Variants in ZNF385D observed in about 807,000 individuals in gnomAD.
The protein encoded by ZNF385D is zinc finger protein 385D.
Under a neutral mutation model 35.8 loss-of-function variants are expected in ZNF385D, and 15 were observed. The observed-to-expected ratio is 0.42, with a 90% CI of 0.28 to 0.64. ZNF385D has a LOEUF of 0.64. ZNF385D is among the 30% of genes least tolerant of loss of function. The probability of loss-of-function intolerance (pLI) is 0.23; values close to 1 mark genes in which losing one functional copy is unlikely to be tolerated. For missense variants in ZNF385D, 474 were observed against 494.6 expected (o/e 0.96, Z 0.39); for synonymous variants, 212 against 186.8 (o/e 1.13, Z -1.10).
At chr3:22,014,027 C>G (rs1696730880) in intron 3 of ZNF385D, among the ~76,000 whole-genome samples, 1 of 151,994 alleles carries the variant, frequency 6.6e-6, no homozygotes, top group African/African-American at 2.4e-5. Flanking sequence ...CAAGAAGCAA[C>G]CCCAAGAAAT....
At chr3:21,562,480 A>G (rs539615950) in intron 3 of ZNF385D, among the ~76,000 whole-genome samples, 12 of 152,148 alleles carry the variant, frequency 7.9e-5, no homozygotes, top group African/African-American at 2.9e-4. Flanking sequence ...AAGAGGTGAA[A>G]TTCTTGCACT....
rs566459946 is a variant in ZNF385D, at chr3:21,527,289, A to T, written c.277-16266T>A. Among the ~76,000 whole-genome samples the T allele has an allele frequency of 8.5e-5, 13 of 152,298 alleles. No individual in the cohort carries two copies. The East Asian group carries it at 1.7e-3, about 20-fold the overall frequency. On this transcript the variant is annotated intron_variant, in intron 3 of 7. Transcript: ENST00000281523. ...GTCTTCAACATTTCTTCATTTGACG[A>T]AGATTTCTTGGTTTACATCCTCATG...
At chr3:22,077,631 T>C (rs1354746344) in intron 3 of ZNF385D, among the ~76,000 whole-genome samples, 1 of 152,008 alleles carries the variant, frequency 6.6e-6, no homozygotes, top group African/African-American at 2.4e-5. Flanking sequence ...AAATATTTGA[T>C]GTTTTTGGCA....
intron 3 of ZNF385D, among the ~76,000 whole-genome samples, chr3:21,813,080 C>T (rs1480913142): frequency 6.6e-6 from 1 of 152,196 alleles, no homozygotes; most frequent in African/African-American, 2.4e-5. Flanking sequence ...CCCAGGCAAA[C>T]AGGGTCTGGA....
At chr3:21,861,448 G>C (rs1464982925) in intron 3 of ZNF385D, among the ~76,000 whole-genome samples, 1 of 152,054 alleles carries the variant, frequency 6.6e-6, no homozygotes, top group Non-Finnish European at 1.5e-5. Flanking sequence ...CCTTGAAACA[G>C]GTAAGCTCTC....
intron 1 of ZNF385D, among the ~76,000 whole-genome samples, chr3:21,743,996 A>G (rs930102238): frequency 9.2e-5 from 14 of 152,164 alleles, no homozygotes; most frequent in African/African-American, 3.1e-4. Context: ...GTTTTCAAGT[A>G]TTACTGTTAC....
chr3:21,890,236 A>T (rs1247425420), intron 3 of ZNF385D, among the ~76,000 whole-genome samples: 1 of 152,214 alleles, frequency 6.6e-6, no homozygotes, highest in East Asian at 1.9e-4. Flanking sequence ...TTTGAAGGTA[A>T]CAGATTAGTC....
intron 2 of ZNF385D, among the ~76,000 whole-genome samples, chr3:21,660,773 G>C (rs986734424): frequency 1.8e-4 from 27 of 152,304 alleles, no homozygotes; most frequent in African/African-American, 5.5e-4. Flanking sequence ...AAACCTAAGA[G>C]TCTGGGCTTT....
intron 3 of ZNF385D, among the ~76,000 whole-genome samples, chr3:21,779,609 T>C (rs1477494264): frequency 6.6e-6 from 1 of 152,034 alleles, no homozygotes. Flanking sequence ...ACTTGAGTTC[T>C]ATCTTAGAGA....
chr3:21,921,373 T>C (rs1034149329), intron 3 of ZNF385D, among the ~76,000 whole-genome samples: 11 of 152,190 alleles, frequency 7.2e-5, no homozygotes, highest in African/African-American at 2.7e-4. Flanking sequence ...AAATTGATGC[T>C]ATTCTTAGAG....
intron 3 of ZNF385D, among the ~76,000 whole-genome samples, chr3:21,894,547 G>A (rs1699035874): frequency 1.3e-5 from 2 of 152,092 alleles, no homozygotes; most frequent in African/African-American, 4.8e-5. Flanking sequence ...TTATAGCTAT[G>A]ACTTTACAAC....
intron 3 of ZNF385D, among the ~76,000 whole-genome samples, chr3:22,048,446 T>G (rs1430172497): frequency 6.6e-6 from 1 of 152,142 alleles, no homozygotes; most frequent in African/African-American, 2.4e-5. Context: ...AGGATTAAAT[T>G]TTATTATTTT....
intron 3 of ZNF385D, among the ~76,000 whole-genome samples, chr3:21,915,382 T>C (rs1700144852): frequency 6.6e-6 from 1 of 152,152 alleles, no homozygotes; most frequent in Non-Finnish European, 1.5e-5. Flanking sequence ...GTAAATAGAA[T>C]TGTAAGCATG....
intron 2 of ZNF385D, among the ~76,000 whole-genome samples, chr3:22,273,323 G>A (rs989028156): frequency 2.6e-5 from 4 of 151,958 alleles, no homozygotes; most frequent in African/African-American, 7.2e-5. Context: ...ATAATGAGCA[G>A]CAGACATTAG....
At chr3:21,788,414 G>T (rs193231935) in intron 3 of ZNF385D, among the ~76,000 whole-genome samples, 1 of 152,148 alleles carries the variant, frequency 6.6e-6, no homozygotes, top group African/African-American at 2.4e-5. Flanking sequence ...GGAGGCAGAG[G>T]TTGCAGTGAG....
chr3:22,340,648 AAATAAT>A (rs1217611594), intron 2 of ZNF385D, among the ~76,000 whole-genome samples: 1 of 152,150 alleles, frequency 6.6e-6, no homozygotes, highest in Non-Finnish European at 1.5e-5. Flanking sequence ...TCTGTCTCCA[AAATAAT>A]AATAATAAGA....
intron 3 of ZNF385D, among the ~76,000 whole-genome samples, chr3:21,775,533 T>C (rs892029857): frequency 6.6e-6 from 1 of 151,896 alleles, no homozygotes; most frequent in Non-Finnish European, 1.5e-5. Context: ...TCTGAGAAGT[T>C]GAACTCCTCC....
intron 2 of ZNF385D, among the ~76,000 whole-genome samples, chr3:22,200,952 C>A (rs1421379209): frequency 8.6e-5 from 13 of 151,986 alleles, no homozygotes; most frequent in Non-Finnish European, 1.9e-4. Context: ...TTCAAGGTGT[C>A]CAGATTTCAT....
intron 3 of ZNF385D, among the ~76,000 whole-genome samples, chr3:22,159,080 A>G (rs1234740853): frequency 6.6e-6 from 1 of 151,880 alleles, no homozygotes; most frequent in Non-Finnish European, 1.5e-5. Flanking sequence ...AAGAGGTAAA[A>G]GATGAAGAAA....
Sources: allele counts gnomAD v4.1 joint callset (sites outside exome capture counted in the v4.1 genomes callset), GRCh38; gene constraint gnomAD v4.1.1; transcripts MANE v1.5; gene names NCBI Gene and HGNC (gene_info 2026-07-23, HGNC 2026-07-21).